Variants in PLEKHS1 observed in about 807,000 individuals in gnomAD.
The protein encoded by PLEKHS1 is pleckstrin homology domain containing S1.
PLEKHS1 carries 55 observed loss-of-function variants against 51.0 expected under a neutral mutation model. That is an observed-to-expected ratio of 1.08 (90% CI 0.87 to 1.35). The LOEUF is 1.35. Ranked by LOEUF, PLEKHS1 falls within the 40% of genes most tolerant of loss-of-function variation. The pLI, the probability that PLEKHS1 is intolerant of heterozygous loss-of-function variation, is 0.00. For missense variants in PLEKHS1, 398 were observed against 423.0 expected (o/e 0.94, Z 0.52); for synonymous variants, 153 against 144.8 (o/e 1.06, Z -0.41).
chr10:113,755,827 G>A (rs1854083726), intron 2 of PLEKHS1, among the ~76,000 whole-genome samples: 1 of 152,190 alleles, frequency 6.6e-6, no homozygotes, highest in African/African-American at 2.4e-5. Context: ...TAGAAGTTTA[G>A]CATTTTCTGA....
At chr10:113,752,572 T>C (rs1853896691) in intron 1 of PLEKHS1, among the ~76,000 whole-genome samples, 1 of 152,158 alleles carries the variant, frequency 6.6e-6, no homozygotes, top group Non-Finnish European at 1.5e-5. Flanking sequence ...AGGGTAGTAA[T>C]AACCTTCATG....
exon 9 of PLEKHS1, chr10:113,774,229 G>C: frequency 1.3e-6 from 2 of 1,582,338 alleles, no homozygotes; most frequent in Non-Finnish European, 1.7e-6. Context: ...ATCTGCAGTT[G>C]GATAATATCA....
At chr10:113,779,262 C>T (rs1437488653) in intron 11 of PLEKHS1, among the ~76,000 whole-genome samples, 1 of 151,928 alleles carries the variant, frequency 6.6e-6, no homozygotes, top group Non-Finnish European at 1.5e-5. Flanking sequence ...AACTATAGTA[C>T]ATTTTCTCTG....
intron 7 of PLEKHS1, chr10:113,771,160 AC>A (rs1243555979): frequency 6.6e-6 from 1 of 152,222 alleles, no homozygotes; most frequent in African/African-American, 2.4e-5. Flanking sequence ...AATCTAGATC[AC>A]CTGGAAACCC....
At chr10:113,766,234 T>C (rs541881486) in intron 2 of PLEKHS1, among the ~76,000 whole-genome samples, 177 bp from the exon 3 acceptor site, 14 of 152,348 alleles carry the variant, frequency 9.2e-5, no homozygotes, top group Non-Finnish European at 1.8e-4. Flanking sequence ...GTCTCGGCTG[T>C]GGAGGAATAA....
intron 11 of PLEKHS1, among the ~76,000 whole-genome samples, chr10:113,776,544 G>A (rs1290181869): frequency 1.3e-5 from 2 of 152,134 alleles, no homozygotes; most frequent in East Asian, 1.9e-4. Flanking sequence ...CACAATCTAA[G>A]GCTCAATACA....
intron 2 of PLEKHS1, among the ~76,000 whole-genome samples, chr10:113,764,037 C>G (rs753859984): frequency 1.6e-4 from 25 of 152,108 alleles, no homozygotes; most frequent in Non-Finnish European, 3.5e-4. Context: ...TTTTAAAAGA[C>G]ATTTTTGCTG....
At chr10:113,767,591 A>C in intron 5 of PLEKHS1, 112 bp downstream of exon 5, 128 of 1,041,084 alleles carry the variant, frequency 1.2e-4, no homozygotes, top group Non-Finnish European at 1.5e-4. Flanking sequence ...TACAAACCTC[A>C]AATGCCATCT....
chr10:113,757,388 A>G (rs1480006270), intron 2 of PLEKHS1, among the ~76,000 whole-genome samples: 1 of 152,266 alleles, frequency 6.6e-6, no homozygotes, highest in East Asian at 1.9e-4. Context: ...AAATATCACA[A>G]TAAAGCTAGT....
At chr10:113,780,875 C>T (rs1030967659) in exon 12 of PLEKHS1, 14 of 1,168,976 alleles carry the variant, frequency 1.2e-5, no homozygotes, top group Non-Finnish European at 1.5e-5. Context: ...ACAGTCGGCA[C>T]CCCCCTCTGA....
intron 6 of PLEKHS1, 56 bp downstream of exon 6, chr10:113,768,946 T>C (rs1216673269): frequency 7.4e-7 from 1 of 1,345,606 alleles, no homozygotes; most frequent in East Asian, 2.4e-5. Flanking sequence ...CCTCTTTCAA[T>C]AGAAAACAAT....
chr10:113,768,996 C>G (rs1028032523), intron 6 of PLEKHS1, 106 bp downstream of exon 6: 37 of 693,958 alleles, frequency 5.3e-5, no homozygotes, highest in Non-Finnish European at 7.6e-5. Flanking sequence ...GGCTTTAATA[C>G]AAGGAATAAA....
chr10:113,756,785 GA>G (rs1184088242), intron 2 of PLEKHS1, among the ~76,000 whole-genome samples: 1 of 152,146 alleles, frequency 6.6e-6, no homozygotes, highest in Non-Finnish European at 1.5e-5. Context: ...TAGGAGAAGG[GA>G]AAATAGAGGA....
chr10:113,760,642 C>G (rs182682832), intron 2 of PLEKHS1, among the ~76,000 whole-genome samples: 13 of 152,176 alleles, frequency 8.5e-5, no homozygotes, highest in Non-Finnish European at 1.5e-4. Flanking sequence ...GTTCTTTGTT[C>G]ACTTTTTAGT....
intron 11 of PLEKHS1, among the ~76,000 whole-genome samples, chr10:113,776,436 C>T (rs560520428): frequency 6.6e-6 from 1 of 152,244 alleles, no homozygotes; most frequent in Admixed American, 6.5e-5. Context: ...ATTTCATCTT[C>T]ATAAGGGAAG....
intron 10 of PLEKHS1, 58 bp downstream of exon 10, chr10:113,775,093 AC>A: frequency 7.1e-7 from 1 of 1,416,546 alleles, no homozygotes; most frequent in South Asian, 1.3e-5. Flanking sequence ...CCTCCCTCCC[AC>A]TTTTTTTTTT....
chr10:113,770,483 T>G (rs1844357026), intron 7 of PLEKHS1, among the ~76,000 whole-genome samples: 1 of 152,230 alleles, frequency 6.6e-6, no homozygotes, highest in Admixed American at 6.5e-5. Context: ...CTTGGGATAT[T>G]AGTCATAAAC....
At chr10:113,754,893 T>C (rs1383479887) in intron 1 of PLEKHS1, among the ~76,000 whole-genome samples, 2 of 152,232 alleles carry the variant, frequency 1.3e-5, no homozygotes, top group African/African-American at 4.8e-5. Context: ...GTTGGCTCCA[T>C]GGCATCCTGC....
intron 11 of PLEKHS1, chr10:113,777,246 C>T: frequency 6.2e-7 from 1 of 1,612,796 alleles, no homozygotes; most frequent in African/African-American, 1.3e-5. Flanking sequence ...CTTACCCGGT[C>T]CATCCAGAAG....
Sources: allele counts gnomAD v4.1 joint callset (sites outside exome capture counted in the v4.1 genomes callset), GRCh38; gene constraint gnomAD v4.1.1; transcripts MANE v1.5; gene names NCBI Gene and HGNC (gene_info 2026-07-23, HGNC 2026-07-21).